XRCC4: variants seen among roughly 807,000 people sequenced by gnomAD.
XRCC4 encodes X-ray repair cross complementing 4, also known as DNA repair protein XRCC4.
A neutral mutation model predicts 39.1 loss-of-function variants in XRCC4; 28 were observed. The observed-to-expected ratio is 0.72, with a 90% CI of 0.53 to 0.98. The LOEUF is 0.98. XRCC4 is among the 50% of genes least tolerant of loss of function. The pLI, the probability that XRCC4 is intolerant of heterozygous loss-of-function variation, is 0.00. For missense variants in XRCC4, 350 were observed against 376.4 expected, an observed-to-expected ratio of 0.93 and a Z score of 0.58; for synonymous variants, 123 against 126.4, an observed-to-expected ratio of 0.97 and a Z score of 0.18.
At chr5:83,093,741 TA>T (rs1022536980) in intron 1 of XRCC4, among the ~76,000 whole-genome samples, 9 of 152,114 alleles carry the variant, frequency 5.9e-5, no homozygotes, top group African/African-American at 2.2e-4. Flanking sequence ...AAAGGGAAAT[TA>T]AAAAATATCT....
chr5:83,146,233 G>A (rs552687638), intron 3 of XRCC4, among the ~76,000 whole-genome samples: 1 of 152,316 alleles, frequency 6.6e-6, no homozygotes, highest in South Asian at 2.1e-4. Flanking sequence ...CAAAGGGCCA[G>A]TTAGGCTGAA....
chr5:83,229,475 G>A (rs999482620), intron 6 of XRCC4, among the ~76,000 whole-genome samples: 3 of 151,644 alleles, frequency 2.0e-5, no homozygotes, highest in African/African-American at 7.3e-5. Context: ...AAAGACCAAT[G>A]ACGGGTTGTG....
chr5:83,218,101 G>A lies in XRCC4; in HGVS notation c.745+13180G>A, dbSNP rs543736419. ...ATATTTATTAGATTTTAAGTTCTAG[G>A]GTACATGTGCACAACGTGCAGGTTT... On this transcript the variant is annotated intron_variant, in intron 6 of 7. Coordinates refer to ENST00000396027, the MANE Select transcript of XRCC4 (RefSeq NM_003401.5). 1.2e-3 allele frequency among the ~76,000 whole-genome samples: 169 copies of A among 144,460 alleles called. 4 individuals carry two copies. Among genetic ancestry groups the A allele is most frequent in the Admixed American group, 0.011 (168 of 14,670 alleles). The allele number at this position is 144,460 out of a possible 152,430, so 94.8% of individuals were successfully genotyped here.
intron 7 of XRCC4, among the ~76,000 whole-genome samples, chr5:83,332,723 T>C (rs1021710185): frequency 2.0e-5 from 3 of 152,204 alleles, no homozygotes; most frequent in African/African-American, 4.8e-5. Flanking sequence ...GTGTGATATA[T>C]GAGATTTTAA....
intron 3 of XRCC4, among the ~76,000 whole-genome samples, chr5:83,152,396 G>T (rs1336933186): frequency 6.6e-6 from 1 of 152,152 alleles, no homozygotes; most frequent in East Asian, 1.9e-4. Context: ...CACTTTGGGA[G>T]GCCGAGGCGG....
chr5:83,144,941 G>T (rs1011671552), intron 3 of XRCC4, among the ~76,000 whole-genome samples: 13 of 152,046 alleles, frequency 8.6e-5, no homozygotes, highest in African/African-American at 3.1e-4. Context: ...TGTTGCCCAG[G>T]CTGGAGTGCA....
the XRCC4 span, among the ~76,000 whole-genome samples, chr5:83,370,421 C>T: frequency 3.1e-4 from 47 of 152,288 alleles, no homozygotes; most frequent in Non-Finnish European, 5.7e-4. Flanking sequence ...ATCAGACATG[C>T]TCCCAATAAA....
At chr5:83,222,374 C>G (rs1752117174) in intron 6 of XRCC4, among the ~76,000 whole-genome samples, 1 of 152,098 alleles carries the variant, frequency 6.6e-6, no homozygotes, top group African/African-American at 2.4e-5. Flanking sequence ...CACTTCAGTG[C>G]ATTATTGCAT....
In XRCC4 at chr5:83,299,232, A is replaced by T. The variant is rs62371877; in HGVS notation, c.893+40555A>T. Among the ~76,000 whole-genome samples, 528 of 152,220 alleles carry T rather than the reference A, an allele frequency of 3.5e-3. 2 individuals are homozygous for T. The highest frequency in any genetic ancestry group is 5.9e-3 in the Non-Finnish European group (400 of 67,960). On this transcript the variant is annotated intron_variant, in intron 7 of 7. Coordinates refer to ENST00000396027, the MANE Select transcript of XRCC4 (RefSeq NM_003401.5). ...GAGTTATTTCTTTCAGCATTCAAAG[A>T]TTTAATTTCATAGGAAGTTGAGAAG...
intron 3 of XRCC4, among the ~76,000 whole-genome samples, chr5:83,142,348 GTTTAA>G (rs1232588298): frequency 6.6e-6 from 1 of 151,948 alleles, no homozygotes; most frequent in Non-Finnish European, 1.5e-5. Flanking sequence ...TCTCAGTGGT[GTTTAA>G]TTTGTCTACA....
chr5:83,360,620 G>A, the XRCC4 span, among the ~76,000 whole-genome samples: 5 of 152,066 alleles, frequency 3.3e-5, no homozygotes, highest in South Asian at 1.0e-3. Flanking sequence ...TTGCCCTTTG[G>A]GAGAGTCAAA....
intron 7 of XRCC4, among the ~76,000 whole-genome samples, chr5:83,268,524 T>G (rs996829490): frequency 1.3e-5 from 2 of 152,190 alleles, no homozygotes; most frequent in Non-Finnish European, 2.9e-5. Flanking sequence ...CAGCAAGCTT[T>G]CTTCAAATTG....
At position 83,268,715 on chromosome 5, in the gene XRCC4, G is replaced by A. The variant is rs185444205; in HGVS notation, c.893+10038G>A. ...ATATGACATTCTCCTTATGGAATAC[G>A]GAGAAAATCAGCTTTTTCACTGACA... On this transcript the variant is annotated intron_variant, in intron 7 of 7. Transcript: ENST00000396027. 8.7e-4 allele frequency among the ~76,000 whole-genome samples: 132 copies of A among 152,174 alleles called. No homozygotes were observed. In the Middle Eastern group the frequency reaches 0.01, roughly 12 times the overall value.
At chr5:83,351,200 AG>A (rs1757072886) in intron 7 of XRCC4, among the ~76,000 whole-genome samples, 1 of 152,156 alleles carries the variant, frequency 6.6e-6, no homozygotes, top group African/African-American at 2.4e-5. Flanking sequence ...TTCTACCGTG[AG>A]GCTTCTCAGC....
At chr5:83,158,006 A>C (rs1247715707) in intron 3 of XRCC4, among the ~76,000 whole-genome samples, 1 of 152,090 alleles carries the variant, frequency 6.6e-6, no homozygotes, top group Non-Finnish European at 1.5e-5. Context: ...TGGGTAGTAC[A>C]TTATATGGGT....
chr5:83,172,820 T>C (rs960579147), intron 3 of XRCC4, among the ~76,000 whole-genome samples: 1 of 152,190 alleles, frequency 6.6e-6, no homozygotes, highest in African/African-American at 2.4e-5. Flanking sequence ...ATCATTGCTC[T>C]CTTTCCTCTC....
intron 2 of XRCC4, 136 bp from the exon 3 acceptor site, chr5:83,110,892 G>T: frequency 1.4e-6 from 1 of 738,046 alleles, no homozygotes; most frequent in Non-Finnish European, 2.0e-6. Flanking sequence ...ATTTAAAAAT[G>T]TGTAGTATAG....
chr5:83,250,927 C>T (rs773554094), intron 6 of XRCC4, among the ~76,000 whole-genome samples: 6 of 152,190 alleles, frequency 3.9e-5, no homozygotes, highest in Non-Finnish European at 8.8e-5. Flanking sequence ...TCTATGCCTA[C>T]CTTTGGACTA....
intron 1 of XRCC4, among the ~76,000 whole-genome samples, chr5:83,089,176 T>A (rs1230439910): frequency 2.0e-5 from 3 of 152,214 alleles, no homozygotes; most frequent in Non-Finnish European, 4.4e-5. Flanking sequence ...TCTGGATTAA[T>A]TTTGTTGCTT....
Sources: allele counts gnomAD v4.1 joint callset (sites outside exome capture counted in the v4.1 genomes callset), GRCh38; gene constraint gnomAD v4.1.1; transcripts MANE v1.5; gene names NCBI Gene and HGNC (gene_info 2026-07-23, HGNC 2026-07-21).